Variants in DYRK4 observed in about 807,000 individuals in gnomAD.
DYRK4 encodes the protein dual specificity tyrosine phosphorylation regulated kinase 4, also known as dual specificity tyrosine-phosphorylation-regulated kinase 4.
In DYRK4, 64 loss-of-function variants were observed where a neutral mutation model predicts 68.3. The observed-to-expected ratio is 0.94, with a 90% CI of 0.77 to 1.15. The LOEUF (loss-of-function observed/expected upper bound fraction) is 1.15, where lower values mean the gene tolerates loss of function less well. DYRK4 is among the 50% of genes most tolerant of loss of function. The pLI, the probability that DYRK4 is intolerant of heterozygous loss-of-function variation, is 0.00. For missense variants in DYRK4, 740 were observed against 764.7 expected, an observed-to-expected ratio of 0.97 and a Z score of 0.38; for synonymous variants, 274 against 289.9, an observed-to-expected ratio of 0.95 and a Z score of 0.56.
At chr12:4,570,255 T>A (rs7971511) in intron 2 of DYRK4, among the ~76,000 whole-genome samples, 78,100 of 150,674 alleles carry the variant, frequency 0.52, 20,645 homozygotes, top group African/African-American at 0.61. Context: ...AAATAAAATT[T>A]AAAAAAAAAG....
chr12:4,613,796 G>A lies in DYRK4; in HGVS notation c.*43G>A, dbSNP rs1945258565. The A allele has an allele frequency of 5.5e-6, 8 of 1,460,950 alleles. No homozygotes were observed. Among genetic ancestry groups the A allele is most frequent in the Non-Finnish European group, 7.3e-6 (8 of 1,098,816 alleles). 90.5% of individuals were successfully genotyped at this position (1,460,950 alleles called of 1,614,324 possible). ...TCCTGCTCCTTTCCACCAGTGATTT[G>A]TATTAAGACAGCACTTATATTGTAC... On this transcript the variant is annotated 3_prime_UTR_variant, in exon 15 of 15. Transcript: ENST00000543431. This position sits in a 1 kb window ranked among gnomAD's most constrained non-coding sequence, Gnocchi z 4.0.
chr12:4,595,490 C>A (rs554247786), intron 6 of DYRK4, among the ~76,000 whole-genome samples: 122 of 152,276 alleles, frequency 8.0e-4, no homozygotes, highest in Non-Finnish European at 1.3e-3. Flanking sequence ...GATTAACCCC[C>A]TGCTCCCTAG....
chr12:4,563,311 C>G lies in DYRK4; in HGVS notation c.38+1028C>G, dbSNP rs1390636584. ...AAGCAGAGGTAAATCGGAAGGGACT[C>G]TCTAGCAATATGCCAGCCACTCTTC... is the stretch of plus-strand genomic sequence containing the variant. On this transcript the variant is annotated intron_variant, in intron 1 of 14. Coordinates refer to ENST00000543431, the MANE Select transcript of DYRK4 (RefSeq NM_001394779.1). 2.4e-5 allele frequency: 9 copies of G among 373,048 alleles called. No homozygotes were observed. The East Asian group carries it at 6.5e-4, about 27-fold the overall frequency. The allele number at this position is 373,048 out of a possible 1,614,324, so 23.1% of individuals were successfully genotyped here. A position where few individuals can be genotyped will look rare whatever the true frequency, so the allele number is the denominator to read the frequency against.
At chr12:4,568,133 C>T (rs944924925) in intron 2 of DYRK4, 85 bp downstream of exon 2, 15 of 1,268,168 alleles carry the variant, frequency 1.2e-5, no homozygotes, top group African/African-American at 3.0e-5. Context: ...ATGGTTGTGC[C>T]CCAAGCACCT....
At chr12:4,603,087 G>C in intron 10 of DYRK4, 1 of 1,343,476 alleles carries the variant, frequency 7.4e-7, no homozygotes, top group South Asian at 1.3e-5. Flanking sequence ...AAGTCTTTCT[G>C]GCTTTCTAGT....
At chr12:4,592,907 A>T in intron 5 of DYRK4, 95 bp from the exon 6 acceptor site, 1 of 1,482,864 alleles carries the variant, frequency 6.7e-7, no homozygotes, top group Non-Finnish European at 9.1e-7. Flanking sequence ...GAACAGGCTG[A>T]TGGCTCGTGA....
chr12:4,591,282 G>T lies in DYRK4; in HGVS notation c.447G>T (p.Val149=). The T allele has an allele frequency of 6.2e-7, 1 of 1,614,052 alleles. No individual in the cohort carries two copies. Among genetic ancestry groups the T allele is most frequent in the South Asian group, 1.1e-5 (1 of 91,030 alleles). ...AGAAGTCACCAAAGAAGCAAAAGGT[G>T]ACTCTGACAGCGGCAGGTATGCCTT... ...AEEKSPKKQK[V]TLTAAEALKL... is the part of the protein sequence containing the mutation. The change falls in exon 5 of 15, where the codon GTG becomes GTT. Residue 149 remains valine (V), a synonymous_variant. Transcript: ENST00000543431. This position sits in a 1 kb window ranked among gnomAD's most constrained non-coding sequence, Gnocchi z 4.1.
At chr12:4,606,293 G>GCTATCTATCTATCTATCTATCTAT (rs3083726) in intron 11 of DYRK4, among the ~76,000 whole-genome samples, 1 of 151,034 alleles carries the variant, frequency 6.6e-6, no homozygotes, top group African/African-American at 2.4e-5. Flanking sequence ...TGGCTGGCTG[G>GCTATCTATCTATCTATCTATCTAT]CTATCTATCT....
chr12:4,593,235 G>C, intron 6 of DYRK4, 70 bp downstream of exon 6: 1 of 1,548,430 alleles, frequency 6.5e-7, no homozygotes, highest in South Asian at 1.2e-5. Context: ...AAGGAAAAAA[G>C]CAACGGTATT....
At position 4,600,297 on chromosome 12, in the gene DYRK4, G is replaced by T. The variant is rs375828117; in HGVS notation, c.1126+509G>T. ...ATTGTGTTCTTTCGGCTTCTATCAGGTTCGCTATAGAGAACACGTACCATT... is the reference window on the plus strand; with the variant it reads ...ATTGTGTTCTTTCGGCTTCTATCAGTTTCGCTATAGAGAACACGTACCATT... On this transcript the variant is annotated intron_variant, in intron 10 of 14. Transcript: ENST00000543431. Among the ~76,000 whole-genome samples the T allele has an allele frequency of 4.5e-4, 68 of 152,010 alleles. No individual in the cohort carries two copies. In the South Asian group the frequency reaches 5.0e-3, roughly 11 times the overall value.
intron 11 of DYRK4, among the ~76,000 whole-genome samples, chr12:4,606,197 G>GA (rs1945147681): frequency 6.6e-6 from 1 of 152,126 alleles, no homozygotes; most frequent in Non-Finnish European, 1.5e-5. Context: ...AGACAAAATA[G>GA]AAAAATAACT....
chr12:4,596,485 AGTCTTGTTGGG>A, intron 7 of DYRK4, 93 bp from the exon 8 acceptor site: 1 of 1,514,526 alleles, frequency 6.6e-7, no homozygotes, highest in Non-Finnish European at 8.8e-7. Flanking sequence ...GCCACTAGAC[AGTCTTGTTGGG>A]GTCATGGGGA....
At position 4,613,456 on chromosome 12, in the gene DYRK4, A is replaced by G. The variant is rs1245744099; in HGVS notation, c.1667-59A>G. Reference sequence around the variant, plus strand: ...TAAGTGATGTACAACCTAAAGGACAATTAACATATAATCCACATTTGAATC... The same window carrying G: ...TAAGTGATGTACAACCTAAAGGACAGTTAACATATAATCCACATTTGAATC... On this transcript the variant is annotated intron_variant, in intron 14 of 14. Transcript: ENST00000543431. The surrounding 1 kb of genome is among the most constrained non-coding windows in gnomAD (Gnocchi z 4.0). The G allele has an allele frequency of 5.1e-6, 8 of 1,555,736 alleles. No homozygotes were observed. In the Admixed American group the frequency reaches 1.5e-4, roughly 28 times the overall value.
chr12:4,582,624 G>A (rs1427779952), intron 2 of DYRK4, among the ~76,000 whole-genome samples: 1 of 152,182 alleles, frequency 6.6e-6, no homozygotes, highest in African/African-American at 2.4e-5. Context: ...GGTCACAGAG[G>A]CTTCCTGGAG....
chr12:4,564,487 A>G lies in DYRK4; in HGVS notation c.38+2204A>G, dbSNP rs1944657592. On this transcript the variant is annotated intron_variant, in intron 1 of 14. Coordinates refer to ENST00000543431, the MANE Select transcript of DYRK4 (RefSeq NM_001394779.1). ...ACTGGCAATTGCAGTAGAAATCCTA[A>G]AATCATAACAGGTAAATCTCAAAAG... The G allele has an allele frequency of 2.0e-5, 3 of 152,144 alleles. No homozygotes were observed. In the South Asian group the frequency reaches 6.2e-4, roughly 32 times the overall value. The allele number at this position is 152,144 out of a possible 1,614,324, so 9.4% of individuals were successfully genotyped here. A position where few individuals can be genotyped will look rare whatever the true frequency, so the allele number is the denominator to read the frequency against.
Position 4,567,976 on chromosome 12 carries a change from G to A in DYRK4, c.60G>A (p.Lys20=). 1 of 1,536,136 alleles carries A rather than the reference G, an allele frequency of 6.5e-7. No homozygotes were observed. The highest frequency in any genetic ancestry group is 8.7e-7 in the Non-Finnish European group (1 of 1,146,908). The stretch of plus-strand genomic sequence containing the variant: ...GCAGGACTCAAATGGATGCTAAAAA[G>A]CCAAGGAAATGTGATTTGACTCCCT... ...TGTKTQMDAK[K]PRKCDLTPFL... is the part of the protein sequence containing the mutation. The change falls in exon 2 of 15, where the codon AAG becomes AAA. Residue 20 remains lysine, a synonymous_variant. Coordinates refer to ENST00000543431, the MANE Select transcript of DYRK4 (RefSeq NM_001394779.1).
Position 4,611,417 on chromosome 12 carries a change from T to G in DYRK4, c.1491-1126T>G, listed in dbSNP as rs148442304. Among the ~76,000 whole-genome samples, 229 of 152,338 alleles carry G rather than the reference T, an allele frequency of 1.5e-3. 1 individual carries two copies. The highest frequency in any genetic ancestry group is 5.4e-3 in the African/African-American group (223 of 41,566). The stretch of plus-strand genomic sequence containing the variant: ...CCAAGGAAGGCATTATTTTCTTCTT[T>G]AGTGCAAAGGACTGATTACTCATAA... On this transcript the variant is annotated intron_variant, in intron 13 of 14. Transcript: ENST00000543431.
At chr12:4,606,449 T>C (rs938820640) in intron 11 of DYRK4, among the ~76,000 whole-genome samples, 52 of 152,302 alleles carry the variant, frequency 3.4e-4, no homozygotes, top group Non-Finnish European at 1.3e-4. Flanking sequence ...TCGAAACTAA[T>C]AATAAAATAT....
At chr12:4,598,866 G>T (rs1945047955) in intron 8 of DYRK4, among the ~76,000 whole-genome samples, 162 bp from the exon 9 acceptor site, 1 of 152,216 alleles carries the variant, frequency 6.6e-6, no homozygotes, top group African/African-American at 2.4e-5. Context: ...CCACGATTCA[G>T]TGGGAAAGCT....
Sources: allele counts gnomAD v4.1 joint callset (sites outside exome capture counted in the v4.1 genomes callset), GRCh38; gene constraint gnomAD v4.1.1; non-coding constraint Gnocchi (gnomAD v3.1); transcripts MANE v1.5; gene names NCBI Gene and HGNC (gene_info 2026-07-23, HGNC 2026-07-21).